BIN2: variants seen among roughly 807,000 people sequenced by gnomAD.
The protein encoded by BIN2 is bridging integrator 2.
BIN2 carries 43 observed loss-of-function variants against 67.9 expected under a neutral mutation model. The ratio of observed to expected loss-of-function variants is 0.63; its 90% CI spans 0.50 to 0.82. The LOEUF (loss-of-function observed/expected upper bound fraction) is 0.82. BIN2 is among the 40% of genes least tolerant of loss of function. The probability of loss-of-function intolerance (pLI) is 0.00; values close to 1 mark genes in which losing one functional copy is unlikely to be tolerated. For synonymous variants in BIN2, 244 were observed against 246.8 expected, an observed-to-expected ratio of 0.99 and a Z score of 0.11; for missense variants, 581 against 671.6, an observed-to-expected ratio of 0.87 and a Z score of 1.49.
In BIN2 at chr12:51,299,052, GT is replaced by G. The variant is rs1190384000; in HGVS notation, c.602+150del. The G allele has an allele frequency of 2.0e-5, 12 of 599,100 alleles. No homozygotes were observed. In the East Asian group the frequency reaches 3.4e-4, roughly 17 times the overall value. The allele number at this position is 599,100 out of a possible 1,614,324, so 37.1% of individuals were successfully genotyped here. A position where few individuals can be genotyped will look rare whatever the true frequency, so the allele number is the denominator to read the frequency against. On this transcript the variant is annotated intron_variant, in intron 7 of 12. Transcript: ENST00000615107. ...TGAGTGCTACTGCACTCTAGCCTGG[GT>G]GACAGAGTGAGACCCTGTCTCGAAA...
intron 5 of BIN2, 65 bp from the exon 6 acceptor site, chr12:51,299,779 G>T (rs1945675477): frequency 7.5e-7 from 1 of 1,328,750 alleles, no homozygotes; most frequent in Non-Finnish European, 1.1e-6. Context: ...GTAGGTAACA[G>T]AATACCAAAC....
rs555025331 is a variant in BIN2, at chr12:51,300,100, A to G, written c.409-386T>C. Among the ~76,000 whole-genome samples, 4 of 152,146 alleles carry G rather than the reference A, an allele frequency of 2.6e-5. No individual in the cohort carries two copies. In the South Asian group the frequency reaches 8.3e-4, roughly 32 times the overall value. On this transcript the variant is annotated intron_variant, in intron 5 of 12. Coordinates refer to ENST00000615107, the MANE Select transcript of BIN2 (RefSeq NM_016293.4). ...TGATATGCCCACCTCGGCCTCCCAA[A>G]GTGCTGGGATTACAGGCAGGAGCAA...
chr12:51,287,493 C>T (rs895688790), intron 11 of BIN2, among the ~76,000 whole-genome samples: 5 of 151,728 alleles, frequency 3.3e-5, no homozygotes, highest in South Asian at 4.2e-4. Context: ...CCACCATGCC[C>T]GGCTAATTTT....
intron 5 of BIN2, among the ~76,000 whole-genome samples, chr12:51,299,947 T>G (rs1473387861): frequency 6.6e-6 from 1 of 152,172 alleles, no homozygotes; most frequent in African/African-American, 2.4e-5. Flanking sequence ...CAAGCAATTT[T>G]TGTGCTTCGG....
At chr12:51,324,511 A>G, upstream of BIN2, 4 of 1,531,360 alleles carry the variant, frequency 2.6e-6, no homozygotes, top group Non-Finnish European at 3.5e-6. Context: ...GAGAGGACCT[A>G]CCATATCGAA....
At position 51,291,877 on chromosome 12, in the gene BIN2, G is replaced by T. The variant is rs1371544075; in HGVS notation, c.1229C>A (p.Thr410Asn). Residue 410 changes from threonine to asparagine, a missense_variant, in exon 10 of 13, where the codon ACC becomes AAC. By Grantham distance (65) the Thr-to-Asn change is moderately conservative. Transcript: ENST00000615107. ...AGGAGGCCTACTAGGGGGTGCTGAG[G>T]TCCTCTGGATAGAGGCTCTCTTCTT... is the stretch of plus-strand genomic sequence containing the variant. ...QPKKRASIQR[T>N]SAPPSRPPPP... 6.2e-7 allele frequency: 1 copy of T among 1,614,190 alleles called. No individual in the cohort carries two copies.
chr12:51,317,275 G>C (rs1027624469), intron 1 of BIN2, among the ~76,000 whole-genome samples: 2 of 152,204 alleles, frequency 1.3e-5, no homozygotes, highest in African/African-American at 2.4e-5. Flanking sequence ...CCAGGAACTA[G>C]ATATTTAATA....
intron 9 of BIN2, among the ~76,000 whole-genome samples, chr12:51,293,342 C>T (rs1243245011): frequency 6.6e-6 from 1 of 152,104 alleles, no homozygotes; most frequent in African/African-American, 2.4e-5. Flanking sequence ...TGGAGTCTCG[C>T]TCTGTCGCCC....
rs148656859 is a variant in BIN2, at chr12:51,295,827, T to A, written c.730A>T (p.Asn244Tyr). The change falls in exon 9 of 13, where the codon AAT becomes TAT. Residue 244 changes from asparagine to tyrosine, a missense_variant. Physicochemically the swap from Asn to Tyr is moderately radical, Grantham distance 143. Transcript: ENST00000615107. Reference protein sequence around the residue: ...VMSKLEKQHSNKVFVVKGLSS... With the variant: ...VMSKLEKQHSYKVFVVKGLSS... The stretch of plus-strand genomic sequence containing the variant: ...AGTCCCTTCACCACAAAGACTTTAT[T>A]GGAATGTTGCTTCTCCAGTTTGCTC... 129 of 1,613,330 alleles carry A rather than the reference T, an allele frequency of 8.0e-5. No homozygotes were observed. The highest frequency in any genetic ancestry group is 1.0e-4 in the Non-Finnish European group (120 of 1,179,688).
Position 51,288,157 on chromosome 12 carries a change from ATCT to A in BIN2, c.1544_1546del (p.Lys515del). ...CTTATTATCCTTTTCCTTGTCTTCC[ATCT>A]TCTTTGCCTCTCCAGGCTCTGAAGC... On this transcript the variant is annotated inframe_deletion, in exon 11 of 13. Coordinates refer to ENST00000615107, the MANE Select transcript of BIN2 (RefSeq NM_016293.4). 1 of 1,613,970 alleles carries A rather than the reference ATCT, an allele frequency of 6.2e-7. No individual in the cohort carries two copies. The highest frequency in any genetic ancestry group is 8.5e-7 in the Non-Finnish European group (1 of 1,179,830).
chr12:51,319,890 T>G (rs567928741), intron 1 of BIN2, among the ~76,000 whole-genome samples: 1 of 152,200 alleles, frequency 6.6e-6, no homozygotes, highest in African/African-American at 2.4e-5. Context: ...TATTTGATAT[T>G]ATAAAATTTT....
Position 51,291,639 on chromosome 12 carries a change from A to C in BIN2, c.1467T>G (p.Asn489Lys). ...PEAKENENIH[N>K]QNPEELCTSP... ...AAGTACAAAGTTCTTCAGGGTTCTG[A>C]TTGTGGATGTTTTCATTTTCTTTGG... The change falls in exon 10 of 13, where the codon AAT (asparagine) becomes AAG (lysine). Residue 489 changes from asparagine (N) to lysine (K), a missense_variant. By Grantham distance (94) the Asn-to-Lys change is moderately conservative. Coordinates refer to ENST00000615107, the MANE Select transcript of BIN2 (RefSeq NM_016293.4). The C allele has an allele frequency of 6.2e-7, 1 of 1,613,050 alleles. No homozygotes were observed. Among genetic ancestry groups the C allele is most frequent in the Non-Finnish European group, 8.5e-7 (1 of 1,179,680 alleles).
chr12:51,311,259 C>T (rs1013148888), intron 2 of BIN2, among the ~76,000 whole-genome samples: 4 of 151,930 alleles, frequency 2.6e-5, no homozygotes, highest in South Asian at 2.1e-4. Context: ...CCTGTGTTGC[C>T]GGGTTTGTCT....
At chr12:51,309,523 T>C (rs1036837869) in intron 2 of BIN2, among the ~76,000 whole-genome samples, 1 of 152,048 alleles carries the variant, frequency 6.6e-6, no homozygotes, top group Non-Finnish European at 1.5e-5. Context: ...ATTATAGGTG[T>C]ATCATTCTCT....
chr12:51,318,638 TAGAC>T (rs1946191689), intron 1 of BIN2, among the ~76,000 whole-genome samples: 1 of 152,314 alleles, frequency 6.6e-6, no homozygotes, highest in Non-Finnish European at 1.5e-5. Flanking sequence ...ATTCTGGAGT[TAGAC>T]AGATATGGGC....
chr12:51,306,163 A>C (rs1300631984), intron 2 of BIN2, among the ~76,000 whole-genome samples: 1 of 152,042 alleles, frequency 6.6e-6, no homozygotes, highest in African/African-American at 2.4e-5. Flanking sequence ...GCTAGTCCAA[A>C]CTTTTGATCA....
chr12:51,285,484 A>C lies in BIN2; in HGVS notation c.1597-697T>G, dbSNP rs141650528. Among the ~76,000 whole-genome samples, 1,114 of 152,276 alleles carry C rather than the reference A, an allele frequency of 7.3e-3. 54 individuals are homozygous for C. Among genetic ancestry groups the C allele is most frequent in the Admixed American group, 0.059 (899 of 15,284 alleles). The stretch of plus-strand genomic sequence containing the variant: ...AATATAAATTTTAAAAAAAAGAAAG[A>C]AAGCCCTGCCTAGAAACTGCTATGC... On this transcript the variant is annotated intron_variant, in intron 11 of 12. Coordinates refer to ENST00000615107, the MANE Select transcript of BIN2 (RefSeq NM_016293.4).
intron 2 of BIN2, among the ~76,000 whole-genome samples, chr12:51,311,119 C>T (rs1241794196): frequency 1.4e-5 from 2 of 142,168 alleles, no homozygotes; most frequent in Non-Finnish European, 3.0e-5. Flanking sequence ...TCTTTTGAGA[C>T]AGGGTCTTGC....
At position 51,292,267 on chromosome 12, in the gene BIN2, C is replaced by T; in HGVS notation, c.839G>A (p.Ser280Asn). Residue 280 changes from serine to asparagine, a missense_variant, in exon 10 of 13, where the codon AGT (serine) becomes AAT (asparagine). By Grantham distance (46) the Ser-to-Asn change is conservative (BLOSUM62 1). Coordinates refer to ENST00000615107, the MANE Select transcript of BIN2 (RefSeq NM_016293.4). ...ACTCTTCAAGGAAAGTGTAGAGGGA[C>T]TAGTAGGTGAGGTAAGAGGACTGGA... ...TVSSPLTSPT[S>N]PSTLSLKSES... The T allele has an allele frequency of 6.2e-7, 1 of 1,602,330 alleles. No homozygotes were observed. The highest frequency in any genetic ancestry group is 1.1e-5 in the South Asian group (1 of 91,084).
Sources: allele counts gnomAD v4.1 joint callset (sites outside exome capture counted in the v4.1 genomes callset), GRCh38; gene constraint gnomAD v4.1.1; transcripts MANE v1.5; gene names NCBI Gene and HGNC (gene_info 2026-07-23, HGNC 2026-07-21).